Variants in MAST4 observed in about 807,000 individuals in gnomAD.
The protein encoded by MAST4 is microtubule associated serine/threonine kinase family member 4.
A neutral mutation model predicts 162.7 loss-of-function variants in MAST4; 89 were observed. The observed-to-expected ratio is 0.55, with a 90% CI of 0.46 to 0.65. The LOEUF (loss-of-function observed/expected upper bound fraction) is 0.65. Ranked by LOEUF, MAST4 falls within the 30% of genes least tolerant of loss-of-function variation. The pLI is 0.00. For missense variants in MAST4, 3,153 were observed against 3,374.0 expected (o/e 0.93, Z 1.62); for synonymous variants, 1,479 against 1,361.1 (o/e 1.09, Z -1.91).
intron 4 of MAST4, among the ~76,000 whole-genome samples, chr5:66,991,800 C>T (rs1236227814): frequency 6.6e-6 from 1 of 152,180 alleles, no homozygotes; most frequent in African/African-American, 2.4e-5. Flanking sequence ...TATCTTTTAG[C>T]CCCAGGCAGT....
chr5:66,964,381 A>G (rs1034889009), intron 4 of MAST4, among the ~76,000 whole-genome samples: 1 of 152,232 alleles, frequency 6.6e-6, no homozygotes, highest in Non-Finnish European at 1.5e-5. Flanking sequence ...CTACTATAGT[A>G]TCTATGGTAT....
chr5:66,956,868 T>C (rs1290904679), intron 4 of MAST4, among the ~76,000 whole-genome samples: 1 of 152,152 alleles, frequency 6.6e-6, no homozygotes, highest in Non-Finnish European at 1.5e-5. Flanking sequence ...AGGGAGGAAG[T>C]AGACCATTTA....
At chr5:66,873,713 T>C (rs1048495020) in intron 3 of MAST4, among the ~76,000 whole-genome samples, 2 of 152,230 alleles carry the variant, frequency 1.3e-5, no homozygotes, top group African/African-American at 4.8e-5. Context: ...AGAAATGTTC[T>C]GTTAATCAAA....
intron 3 of MAST4, among the ~76,000 whole-genome samples, chr5:66,827,206 G>A (rs779301418): frequency 2.0e-5 from 3 of 152,126 alleles, no homozygotes; most frequent in East Asian, 1.9e-4. Flanking sequence ...GCTAGAATTC[G>A]TTGATACACT....
chr5:66,969,292 T>C (rs1747136876), intron 4 of MAST4, among the ~76,000 whole-genome samples: 2 of 152,072 alleles, frequency 1.3e-5, no homozygotes, highest in African/African-American at 4.8e-5. Context: ...GATACTTGAG[T>C]TTGGTACTTC....
intron 4 of MAST4, among the ~76,000 whole-genome samples, chr5:66,983,795 G>A (rs990438472): frequency 2.6e-5 from 4 of 152,186 alleles, no homozygotes; most frequent in Non-Finnish European, 5.9e-5. Context: ...AGTAGAGGTG[G>A]AGCTCCTGAA....
intron 1 of MAST4, among the ~76,000 whole-genome samples, chr5:66,676,138 C>A (rs2149478904): frequency 6.6e-6 from 1 of 152,264 alleles, no homozygotes. Context: ...ATGTGCAGGG[C>A]AATTAAAACA....
intron 5 of MAST4, among the ~76,000 whole-genome samples, chr5:67,084,828 A>G (rs1208921945): frequency 6.6e-6 from 1 of 152,180 alleles, no homozygotes; most frequent in Non-Finnish European, 1.5e-5. Context: ...AATGTCTGAA[A>G]TAGATTAGGG....
At chr5:66,993,910 TG>T (rs1750312395) in intron 4 of MAST4, among the ~76,000 whole-genome samples, 1 of 124,802 alleles carries the variant, frequency 8.0e-6, no homozygotes, top group African/African-American at 3.0e-5. Flanking sequence ...AATCAATGGG[TG>T]TGCAGAAGAC....
In MAST4 at chr5:67,049,672, GC is replaced by G. The variant is rs371072648; in HGVS notation, c.675-4728del. On this transcript the variant is annotated intron_variant, in intron 4 of 28. Transcript: ENST00000403625. ...TTACTCAATTCACTATATTATTACTGCCCCTCAATGGTGGTTAGTCTTATTT... is the reference window on the plus strand; with the variant it reads ...TTACTCAATTCACTATATTATTACTGCCCTCAATGGTGGTTAGTCTTATTT... Among the ~76,000 whole-genome samples the G allele has an allele frequency of 1.1e-3, 174 of 152,242 alleles. 1 individual carries two copies. Among genetic ancestry groups the G allele is most frequent in the African/African-American group, 4.0e-3 (168 of 41,538 alleles).
intron 3 of MAST4, among the ~76,000 whole-genome samples, chr5:66,854,810 GC>G (rs1299488833): frequency 6.6e-6 from 1 of 152,038 alleles, no homozygotes; most frequent in Non-Finnish European, 1.5e-5. Flanking sequence ...TGTAAATGCT[GC>G]CCTATCAGTT....
intron 1 of MAST4, among the ~76,000 whole-genome samples, chr5:66,671,511 C>T (rs1747611379): frequency 6.6e-6 from 1 of 152,132 alleles, no homozygotes. Context: ...GCAAGAGTAT[C>T]TGGGAAAATT....
chr5:66,699,558 C>T (rs1749629405), intron 1 of MAST4, among the ~76,000 whole-genome samples: 1 of 152,134 alleles, frequency 6.6e-6, no homozygotes, highest in Admixed American at 6.5e-5. Context: ...GGTACATATA[C>T]ATCATGGAAT....
At chr5:66,917,689 C>T (rs1263157433) in intron 4 of MAST4, among the ~76,000 whole-genome samples, 1 of 150,076 alleles carries the variant, frequency 6.7e-6, no homozygotes, top group African/African-American at 2.5e-5. Context: ...TTGTCCTTGT[C>T]ACATATAAAG....
chr5:66,986,818 G>C (rs1197424779), intron 4 of MAST4, among the ~76,000 whole-genome samples: 1 of 151,642 alleles, frequency 6.6e-6, no homozygotes, highest in Non-Finnish European at 1.5e-5. Flanking sequence ...CGCTATGTTG[G>C]TCAGACTGGT....
At chr5:66,820,984 C>T (rs182740056) in intron 3 of MAST4, among the ~76,000 whole-genome samples, 1 of 152,302 alleles carries the variant, frequency 6.6e-6, no homozygotes, top group East Asian at 1.9e-4. Flanking sequence ...TCACCAATCG[C>T]ATACATTTAA....
chr5:66,635,640 A>T (rs1745061178), intron 1 of MAST4, among the ~76,000 whole-genome samples: 1 of 152,120 alleles, frequency 6.6e-6, no homozygotes. Context: ...CCATGTGAAA[A>T]GGAAACTTGT....
At chr5:66,945,848 A>G (rs1225132750) in intron 4 of MAST4, among the ~76,000 whole-genome samples, 1 of 152,192 alleles carries the variant, frequency 6.6e-6, no homozygotes, top group Non-Finnish European at 1.5e-5. Context: ...TAACTTGCAC[A>G]GCAGGTTATG....
At chr5:66,972,237 T>A (rs1379613525) in intron 4 of MAST4, among the ~76,000 whole-genome samples, 1 of 152,230 alleles carries the variant, frequency 6.6e-6, no homozygotes, top group East Asian at 1.9e-4. Context: ...TGATGAGGTA[T>A]TATGAAACTG....
Sources: gnomAD v4.1 joint callset for allele counts (sites outside exome capture counted in the v4.1 genomes callset) on GRCh38, gnomAD v4.1.1 for gene constraint, MANE v1.5 for transcripts, NCBI Gene and HGNC (gene_info 2026-07-23, HGNC 2026-07-21) for gene names.